GABRA2: variants seen among roughly 807,000 people sequenced by gnomAD.
GABRA2 encodes the protein gamma-aminobutyric acid receptor subunit alpha-2.
Under a neutral mutation model 48.7 loss-of-function variants are expected in GABRA2, and 16 were observed. The observed-to-expected ratio is 0.33, with a 90% CI of 0.22 to 0.50. The LOEUF is 0.50. GABRA2 is among the 20% of genes least tolerant of loss of function. The pLI is 0.98. For synonymous variants in GABRA2, 185 were observed against 184.5 expected (o/e 1.00, Z -0.02); for missense variants, 275 against 535.6 (o/e 0.51, Z 4.80).
chr4:46,337,429 G>A (rs1732448805), intron 3 of GABRA2, among the ~76,000 whole-genome samples: 1 of 152,012 alleles, frequency 6.6e-6, no homozygotes, highest in South Asian at 2.1e-4. Flanking sequence ...GTAAAGAAAG[G>A]CAGAGTTGTA....
intron 3 of GABRA2, among the ~76,000 whole-genome samples, chr4:46,336,250 T>A (rs577282623): frequency 2.0e-5 from 3 of 152,290 alleles, no homozygotes; most frequent in Admixed American, 2.0e-4. Flanking sequence ...CATGCATAGC[T>A]GTTACTAGTC....
At chr4:46,345,556 C>T (rs563263235) in intron 3 of GABRA2, among the ~76,000 whole-genome samples, 2 of 151,854 alleles carry the variant, frequency 1.3e-5, no homozygotes, top group Admixed American at 1.3e-4. Flanking sequence ...TAGAGACAAC[C>T]CTAAGGCATG....
Position 46,250,111 on chromosome 4 carries a change from G to T in GABRA2, c.*197C>A, listed in dbSNP as rs1275045857. The T allele has an allele frequency of 6.0e-6, 3 of 502,702 alleles. No individual in the cohort carries two copies. Among genetic ancestry groups the T allele is most frequent in the Non-Finnish European group, 1.1e-5 (3 of 284,530 alleles). The allele number at this position is 502,702 out of a possible 1,614,324, so 31.1% of individuals were successfully genotyped here. A position where few individuals can be genotyped will look rare whatever the true frequency, so the allele number is the denominator to read the frequency against. ...TTTAAAAAAGGCAATGGCTGTTTTC[G>T]CATGGAGTGCTTTCTGTCTGCAGTT... On this transcript the variant is annotated 3_prime_UTR_variant, in exon 10 of 10. Transcript: ENST00000381620.
At position 46,305,538 on chromosome 4, in the gene GABRA2, C is replaced by A. The variant is rs1053102523; in HGVS notation, c.703+30G>T. 10 of 1,601,314 alleles carry A rather than the reference C, an allele frequency of 6.2e-6. No homozygotes were observed. In the African/African-American group the frequency reaches 1.3e-4, roughly 22 times the overall value. ...TTTAACCTATTAATATTCTTAGGCACCAGCTTTTTTAAAGACTAATTTTAC... is the reference window on the plus strand; with the variant it reads ...TTTAACCTATTAATATTCTTAGGCAACAGCTTTTTTAAAGACTAATTTTAC... On this transcript the variant is annotated intron_variant, in intron 7 of 9. Coordinates refer to ENST00000381620, the MANE Select transcript of GABRA2 (RefSeq NM_000807.4).
rs144831596 is a variant in GABRA2, at chr4:46,356,708, C to A, written c.188-24026G>T. On this transcript the variant is annotated intron_variant, in intron 3 of 9. Coordinates refer to ENST00000381620, the MANE Select transcript of GABRA2 (RefSeq NM_000807.4). ...TCTGAGATGAGCAGAATGAACAAGA[C>A]ATAACTGCTGTTCTGTGAAGGTTTG... is the stretch of plus-strand genomic sequence containing the variant. Among the ~76,000 whole-genome samples, 1,056 of 152,278 alleles carry A rather than the reference C, an allele frequency of 6.9e-3. 16 individuals are homozygous for A. The highest frequency in any genetic ancestry group is 0.025 in the African/African-American group (1,025 of 41,550).
chr4:46,300,130 G>A (rs1010170027), intron 8 of GABRA2, among the ~76,000 whole-genome samples: 11 of 151,506 alleles, frequency 7.3e-5, no homozygotes, highest in Admixed American at 2.0e-4. Context: ...TTTATTATAT[G>A]CTCAGCTTTT....
At chr4:46,261,423 GC>G (rs1716951998) in intron 9 of GABRA2, 1 of 160,972 alleles carries the variant, frequency 6.2e-6, no homozygotes, top group Non-Finnish European at 1.4e-5. Flanking sequence ...CATTGATAGA[GC>G]CTGGAATTCT....
At chr4:46,270,635 C>A (rs1236164159) in intron 8 of GABRA2, among the ~76,000 whole-genome samples, 1 of 151,896 alleles carries the variant, frequency 6.6e-6, no homozygotes, top group East Asian at 1.9e-4. Context: ...CACTAAAATT[C>A]TCTATAACAT....
chr4:46,347,955 A>G (rs1272420279), intron 3 of GABRA2, among the ~76,000 whole-genome samples: 1 of 152,114 alleles, frequency 6.6e-6, no homozygotes, highest in East Asian at 1.9e-4. Flanking sequence ...GCTTCTGCAT[A>G]GTAAAAGAAA....
intron 8 of GABRA2, among the ~76,000 whole-genome samples, chr4:46,280,702 T>A (rs1170477097): frequency 2.0e-5 from 3 of 152,162 alleles, no homozygotes; most frequent in Admixed American, 2.0e-4. Flanking sequence ...ATCCATATGT[T>A]AAAGTCTTAA....
At chr4:46,272,134 T>A (rs1719458453) in intron 8 of GABRA2, among the ~76,000 whole-genome samples, 2 of 151,936 alleles carry the variant, frequency 1.3e-5, no homozygotes, top group Non-Finnish European at 2.9e-5. Context: ...ATAGCTCAAG[T>A]TTTGCAATCT....
chr4:46,281,044 C>A (rs1721435888), intron 8 of GABRA2, among the ~76,000 whole-genome samples: 1 of 152,144 alleles, frequency 6.6e-6, no homozygotes. Flanking sequence ...GCCACCTTAT[C>A]TATGGTATTT....
chr4:46,339,612 C>T (rs1468571476), intron 3 of GABRA2, among the ~76,000 whole-genome samples: 2 of 151,814 alleles, frequency 1.3e-5, no homozygotes, highest in Admixed American at 6.6e-5. Context: ...CAATTGCAGA[C>T]ATGATATATG....
At chr4:46,354,221 G>A (rs1375032845) in intron 3 of GABRA2, among the ~76,000 whole-genome samples, 1 of 152,088 alleles carries the variant, frequency 6.6e-6, no homozygotes, top group Non-Finnish European at 1.5e-5. Flanking sequence ...CAGGTAAGTG[G>A]CAGAGCCAAT....
At chr4:46,335,469 T>C (rs2109826866) in intron 3 of GABRA2, among the ~76,000 whole-genome samples, 1 of 152,198 alleles carries the variant, frequency 6.6e-6, no homozygotes, top group Admixed American at 6.5e-5. Context: ...TTGATCACTC[T>C]TTTTTTGTTG....
chr4:46,269,969 A>G (rs933907920), intron 8 of GABRA2, among the ~76,000 whole-genome samples: 6 of 151,972 alleles, frequency 3.9e-5, no homozygotes, highest in African/African-American at 1.4e-4. Flanking sequence ...TTCTTGGAAT[A>G]TCTGATGGTT....
intron 3 of GABRA2, among the ~76,000 whole-genome samples, chr4:46,334,073 C>A (rs929799061): frequency 3.3e-5 from 5 of 152,084 alleles, no homozygotes; most frequent in African/African-American, 9.6e-5. Flanking sequence ...TTTTGAAATT[C>A]TATTATAAAA....
chr4:46,310,408 G>A (rs555298604), intron 5 of GABRA2, among the ~76,000 whole-genome samples, 153 bp from the exon 6 acceptor site: 1 of 152,148 alleles, frequency 6.6e-6, no homozygotes, highest in African/African-American at 2.4e-5. Flanking sequence ...TTCATGTTTA[G>A]GTGATCCCTC....
intron 8 of GABRA2, among the ~76,000 whole-genome samples, chr4:46,282,259 C>T (rs1721670101): frequency 1.3e-5 from 2 of 152,126 alleles, no homozygotes; most frequent in African/African-American, 4.8e-5. Flanking sequence ...CAAGGAGTGG[C>T]CTGTGACCCA....
Sources: allele counts gnomAD v4.1 joint callset (sites outside exome capture counted in the v4.1 genomes callset), GRCh38; gene constraint gnomAD v4.1.1; transcripts MANE v1.5; gene names NCBI Gene and HGNC (gene_info 2026-07-23, HGNC 2026-07-21).